The following B3GALT1 variants were observed in gnomAD, a reference collection of about 807,000 sequenced individuals.
The protein encoded by B3GALT1 is beta-1,3-galactosyltransferase 1.
B3GALT1 carries 10 observed loss-of-function variants against 23.2 expected under a neutral mutation model. That is an observed-to-expected ratio of 0.43 (90% CI 0.27 to 0.73). The LOEUF is 0.73. Ranked by LOEUF, B3GALT1 falls within the 30% of genes least tolerant of loss-of-function variation. B3GALT1 has a pLI of 0.21. For synonymous variants in B3GALT1, 156 were observed against 141.5 expected, an observed-to-expected ratio of 1.10 and a Z score of -0.73; for missense variants, 299 against 405.4, an observed-to-expected ratio of 0.74 and a Z score of 2.25.
In B3GALT1 at chr2:167,868,856, G is replaced by T. The variant is rs777239799; in HGVS notation, c.-184G>T. 153 of 619,736 alleles carry T rather than the reference G, an allele frequency of 2.5e-4. No individual in the cohort carries two copies. Among genetic ancestry groups the T allele is most frequent in the Non-Finnish European group, 3.6e-4 (135 of 373,320 alleles). The allele number at this position is 619,736 out of a possible 1,614,324, so 38.4% of individuals were successfully genotyped here. A position where few individuals can be genotyped will look rare whatever the true frequency, so the allele number is the denominator to read the frequency against. The stretch of plus-strand genomic sequence containing the variant: ...AGTCATGGAACCCTCCATCAGATTT[G>T]GAAGAAAGTAGAATGAGCGCAGAGG... On this transcript the variant is annotated 5_prime_UTR_variant, in exon 5 of 5. The change creates a premature stop within an existing upstream ORF in the 5' untranslated region. Transcript: ENST00000392690.
At chr2:167,556,973 G>C (rs937013352) in intron 2 of B3GALT1, among the ~76,000 whole-genome samples, 7 of 152,118 alleles carry the variant, frequency 4.6e-5, no homozygotes, top group Non-Finnish European at 1.0e-4. Flanking sequence ...TTGTGCCCTT[G>C]GGTCCAGCCA....
intron 1 of B3GALT1, among the ~76,000 whole-genome samples, chr2:167,301,532 C>T (rs1218123046): frequency 6.6e-6 from 1 of 152,078 alleles, no homozygotes; most frequent in East Asian, 1.9e-4. Context: ...ACCAAGACCA[C>T]ATTCTTTATG....
chr2:167,766,938 T>G (rs888470159), intron 3 of B3GALT1, among the ~76,000 whole-genome samples: 3 of 152,232 alleles, frequency 2.0e-5, no homozygotes, highest in African/African-American at 7.2e-5. Flanking sequence ...TTTCTTTGCC[T>G]GGATCACTTC....
intron 1 of B3GALT1, among the ~76,000 whole-genome samples, chr2:167,402,971 C>T (rs1032601235): frequency 7.9e-5 from 12 of 151,732 alleles, no homozygotes; most frequent in Non-Finnish European, 8.8e-5. Flanking sequence ...CCCCCACCCC[C>T]GATTGCATTC....
At chr2:167,635,863 C>T (rs1287381744) in intron 2 of B3GALT1, among the ~76,000 whole-genome samples, 2 of 151,926 alleles carry the variant, frequency 1.3e-5, no homozygotes, top group African/African-American at 2.4e-5. Flanking sequence ...TCATATGGAA[C>T]CAAAAGACTC....
At position 167,869,381 on chromosome 2, in the gene B3GALT1, C is replaced by T. The variant is rs768307081; in HGVS notation, c.342C>T (p.Thr114=). 5 of 1,614,068 alleles carry T rather than the reference C, an allele frequency of 3.1e-6. No individual in the cohort carries two copies. The South Asian group carries it at 5.5e-5, about 18-fold the overall frequency. ...ACTTTAAGGGGATCAAGATAGCCAC[C>T]CTGTTCCTCCTGGGCAAGAATGCTG... The part of the protein sequence containing the change: ...ENNFKGIKIA[T]LFLLGKNADP... The change falls in exon 5 of 5, where the codon ACC becomes ACT. Residue 114 remains threonine (T), a synonymous_variant. Transcript: ENST00000392690. The surrounding 1 kb of genome is among the most constrained non-coding windows in gnomAD (Gnocchi z 6.4).
chr2:167,807,763 A>G (rs1197915895), intron 3 of B3GALT1, among the ~76,000 whole-genome samples: 5 of 152,192 alleles, frequency 3.3e-5, no homozygotes, highest in Non-Finnish European at 7.3e-5. Context: ...AATAAGTGCA[A>G]TGTGGTGCTG....
chr2:167,694,047 A>G (rs931198860), intron 3 of B3GALT1, among the ~76,000 whole-genome samples: 4 of 152,058 alleles, frequency 2.6e-5, no homozygotes, highest in Non-Finnish European at 5.9e-5. Flanking sequence ...TGGAAAAGCT[A>G]TGGTGACTGG....
At chr2:167,668,279 G>C (rs1423047352) in intron 3 of B3GALT1, among the ~76,000 whole-genome samples, 1 of 151,964 alleles carries the variant, frequency 6.6e-6, no homozygotes, top group Non-Finnish European at 1.5e-5. Context: ...CAGGGGTCAG[G>C]GACCCACTTG....
chr2:167,578,707 G>T (rs917057368), intron 2 of B3GALT1, among the ~76,000 whole-genome samples: 1 of 151,826 alleles, frequency 6.6e-6, no homozygotes, highest in Non-Finnish European at 1.5e-5. Flanking sequence ...TACAGGTAAA[G>T]AAACAAAAAT....
chr2:167,602,645 T>G (rs763812596), intron 2 of B3GALT1, among the ~76,000 whole-genome samples: 1 of 152,202 alleles, frequency 6.6e-6, no homozygotes, highest in Non-Finnish European at 1.5e-5. Context: ...TTTAAAGATT[T>G]CCATAATTTC....
intron 2 of B3GALT1, among the ~76,000 whole-genome samples, chr2:167,610,878 A>G (rs1685050858): frequency 7.0e-6 from 1 of 142,786 alleles, no homozygotes; most frequent in Non-Finnish European, 1.5e-5. Flanking sequence ...TTGGGAAATA[A>G]TTCAGGAAAT....
In B3GALT1 at chr2:167,425,282, G is replaced by T. The variant is rs544799467; in HGVS notation, c.-510-64895G>T. On this transcript the variant is annotated intron_variant, in intron 1 of 4. Transcript: ENST00000392690. Reference sequence around the variant, plus strand: ...AGTTGCCGCTTACCGCTTTAATGTTGAAGTATAACTTCTTTGGTTGTTATT... The same window carrying T: ...AGTTGCCGCTTACCGCTTTAATGTTTAAGTATAACTTCTTTGGTTGTTATT... Among the ~76,000 whole-genome samples, 3 of 152,216 alleles carry T rather than the reference G, an allele frequency of 2.0e-5. No individual in the cohort carries two copies. In the East Asian group the frequency reaches 5.8e-4, roughly 29 times the overall value.
chr2:167,524,317 G>GA (rs1185173926), intron 2 of B3GALT1, among the ~76,000 whole-genome samples: 2 of 152,054 alleles, frequency 1.3e-5, no homozygotes, highest in Non-Finnish European at 2.9e-5. Flanking sequence ...AACCACTTGA[G>GA]AAAAAATGCA....
At chr2:167,803,683 C>T (rs571677783) in intron 3 of B3GALT1, among the ~76,000 whole-genome samples, 3 of 152,264 alleles carry the variant, frequency 2.0e-5, no homozygotes, top group African/African-American at 7.2e-5. Flanking sequence ...GCGTACTTGG[C>T]ATCACTGGCT....
chr2:167,699,722 A>AT (rs1286711439), intron 3 of B3GALT1, among the ~76,000 whole-genome samples: 1 of 151,972 alleles, frequency 6.6e-6, no homozygotes, highest in Non-Finnish European at 1.5e-5. Flanking sequence ...GACAATATAT[A>AT]TTTTTTCAAG....
intron 2 of B3GALT1, among the ~76,000 whole-genome samples, chr2:167,618,083 G>A (rs971813830): frequency 1.3e-5 from 2 of 152,006 alleles, no homozygotes; most frequent in African/African-American, 2.4e-5. Flanking sequence ...AAACAGGAGC[G>A]AAGGTAGAAA....
At chr2:167,460,093 G>A (rs528687418) in intron 1 of B3GALT1, among the ~76,000 whole-genome samples, 42 of 152,220 alleles carry the variant, frequency 2.8e-4, no homozygotes, top group Middle Eastern at 3.4e-3. Context: ...GTGTGAATCC[G>A]TTTGAGTTCA....
chr2:167,750,222 G>A (rs982424907), intron 3 of B3GALT1, among the ~76,000 whole-genome samples: 4 of 152,066 alleles, frequency 2.6e-5, no homozygotes, highest in Non-Finnish European at 4.4e-5. Context: ...TATAAGCATG[G>A]CTTTATAATA....
Sources: gnomAD v4.1 joint callset for allele counts (sites outside exome capture counted in the v4.1 genomes callset) on GRCh38, gnomAD v4.1.1 for gene constraint, Gnocchi (gnomAD v3.1) non-coding constraint, MANE v1.5 for transcripts, NCBI Gene and HGNC (gene_info 2026-07-23, HGNC 2026-07-21) for gene names.